PCDH15: variants seen among roughly 807,000 people sequenced by gnomAD.
PCDH15 encodes the protein protocadherin related 15.
PCDH15 carries 129 observed loss-of-function variants against 178.5 expected under a neutral mutation model. The ratio of observed to expected loss-of-function variants is 0.72; its 90% CI spans 0.63 to 0.84. PCDH15 has a LOEUF of 0.84. PCDH15 is among the 40% of genes least tolerant of loss of function. The pLI, the probability that PCDH15 is intolerant of heterozygous loss-of-function variation, is 0.00. For synonymous variants in PCDH15, 800 were observed against 732.0 expected (o/e 1.09, Z -1.50); for missense variants, 2,230 against 2,099.9 (o/e 1.06, Z -1.21).
At chr10:54,416,126 G>A (rs887273922) in intron 3 of PCDH15, among the ~76,000 whole-genome samples, 1 of 151,946 alleles carries the variant, frequency 6.6e-6, no homozygotes, top group Non-Finnish European at 1.5e-5. Flanking sequence ...ACCATGCCAA[G>A]CTAAATATAT....
chr10:55,404,128 C>A (rs1373881305), intron 2 of PCDH15, among the ~76,000 whole-genome samples: 3 of 151,914 alleles, frequency 2.0e-5, no homozygotes, highest in African/African-American at 7.3e-5. Context: ...TAAGAATACC[C>A]CCCACATTTT....
At chr10:55,024,268 T>C (rs1340152336) in intron 2 of PCDH15, among the ~76,000 whole-genome samples, 1 of 147,470 alleles carries the variant, frequency 6.8e-6, no homozygotes, top group Non-Finnish European at 1.5e-5. Context: ...CACACACTCA[T>C]AGATATAGGA....
chr10:53,943,987 T>C (rs1220837551), intron 23 of PCDH15, among the ~76,000 whole-genome samples: 1 of 152,134 alleles, frequency 6.6e-6, no homozygotes, highest in Non-Finnish European at 1.5e-5. Flanking sequence ...CATACTCTCT[T>C]TGGAGTCACA....
chr10:55,529,213 C>T (rs955088343), intron 2 of PCDH15, among the ~76,000 whole-genome samples: 1 of 151,944 alleles, frequency 6.6e-6, no homozygotes, highest in Non-Finnish European at 1.5e-5. Flanking sequence ...TTTTGCTATG[C>T]AGAAGCTCTT....
At chr10:54,602,960 ATGCTGGC>A (rs1481796611) in intron 2 of PCDH15, among the ~76,000 whole-genome samples, 27 of 151,942 alleles carry the variant, frequency 1.8e-4, no homozygotes, top group Non-Finnish European at 5.9e-5. Context: ...TATCAGGTCG[ATGCTGGC>A]TACATGAAAT....
At chr10:55,477,102 G>A (rs1357899835) in intron 2 of PCDH15, among the ~76,000 whole-genome samples, 1 of 151,774 alleles carries the variant, frequency 6.6e-6, no homozygotes, top group Non-Finnish European at 1.5e-5. Flanking sequence ...GTTGGAATAG[G>A]AAATCAGACT....
chr10:54,104,449 A>C (rs1937421616), intron 15 of PCDH15, among the ~76,000 whole-genome samples: 1 of 152,106 alleles, frequency 6.6e-6, no homozygotes. Flanking sequence ...ATTTTCCACA[A>C]TTTTAGCTCT....
intron 8 of PCDH15, among the ~76,000 whole-genome samples, chr10:54,238,216 T>C (rs1207744398): frequency 6.6e-6 from 1 of 152,166 alleles, no homozygotes; most frequent in Non-Finnish European, 1.5e-5. Context: ...TGTTCTCATA[T>C]TATTTCTTCT....
intron 5 of PCDH15, among the ~76,000 whole-genome samples, chr10:54,353,631 C>T (rs1273523669): frequency 1.3e-5 from 2 of 151,098 alleles, no homozygotes; most frequent in African/African-American, 4.9e-5. Flanking sequence ...TCCTATCTGG[C>T]TTCTTTTGCT....
At chr10:54,617,755 CAA>C (rs71010398) in intron 2 of PCDH15, among the ~76,000 whole-genome samples, 7 of 117,138 alleles carry the variant, frequency 6.0e-5, no homozygotes, top group Admixed American at 1.7e-4. Flanking sequence ...TCTAAAAATA[CAA>C]AAAAAAAAAA....
chr10:54,472,647 TA>T (rs1173141755), intron 3 of PCDH15, among the ~76,000 whole-genome samples: 1 of 152,018 alleles, frequency 6.6e-6, no homozygotes, highest in African/African-American at 2.4e-5. Flanking sequence ...CCAGAAAAAT[TA>T]AAATTAAAAT....
rs559086911 is a variant in PCDH15, at chr10:54,911,065, A to G, written c.-79-13565T>C. 3.5e-4 allele frequency among the ~76,000 whole-genome samples: 54 copies of G among 152,358 alleles called. 1 individual carries two copies. The highest frequency in any genetic ancestry group is 3.4e-3 in the Middle Eastern group (1 of 294). ...AATGAAAATAGTTTCATAATCTGGA[A>G]AGGATGAAGTGAAATATCCGCCCTA... is the stretch of plus-strand genomic sequence containing the variant. On this transcript the variant is annotated intron_variant, in intron 2 of 5. Transcript: ENST00000458638.
chr10:54,058,515 G>A (rs1283361823), intron 18 of PCDH15, among the ~76,000 whole-genome samples: 1 of 152,064 alleles, frequency 6.6e-6, no homozygotes, highest in Non-Finnish European at 1.5e-5. Flanking sequence ...CTGCCCTGAT[G>A]ATTCAGTCAC....
intron 3 of PCDH15, among the ~76,000 whole-genome samples, chr10:54,481,375 A>G (rs868228916): frequency 1.3e-4 from 20 of 151,908 alleles, no homozygotes; most frequent in Admixed American, 4.0e-4. Context: ...TGGGTTAACC[A>G]TATTTCTTAC....
intron 18 of PCDH15, among the ~76,000 whole-genome samples, chr10:54,026,079 T>A (rs964064594): frequency 6.6e-6 from 1 of 151,902 alleles, no homozygotes; most frequent in Non-Finnish European, 1.5e-5. Context: ...GGGATTTTTT[T>A]TTTTTTTTGA....
At chr10:55,275,699 GTC>G (rs1163505380) in intron 1 of PCDH15, among the ~76,000 whole-genome samples, 1 of 145,448 alleles carries the variant, frequency 6.9e-6, no homozygotes, top group African/African-American at 2.5e-5. Context: ...AGTAGGACTT[GTC>G]TCTCTTTTTT....
chr10:54,105,614 C>T (rs549540940), intron 15 of PCDH15, among the ~76,000 whole-genome samples: 1 of 152,006 alleles, frequency 6.6e-6, no homozygotes, highest in South Asian at 2.1e-4. Flanking sequence ...TGGTGCCCAC[C>T]CAGATTAAGG....
At chr10:55,565,667 C>A (rs1842287238) in intron 2 of PCDH15, among the ~76,000 whole-genome samples, 1 of 151,508 alleles carries the variant, frequency 6.6e-6, no homozygotes, top group Non-Finnish European at 1.5e-5. Context: ...ACTTTGCTAT[C>A]AATTCTACAG....
chr10:55,256,640 C>T (rs1395703062), intron 1 of PCDH15, among the ~76,000 whole-genome samples: 1 of 152,194 alleles, frequency 6.6e-6, no homozygotes, highest in East Asian at 1.9e-4. Context: ...GCACAGCAGT[C>T]TGAGATCAAA....
Sources: allele counts gnomAD v4.1 joint callset (sites outside exome capture counted in the v4.1 genomes callset), GRCh38; gene constraint gnomAD v4.1.1; transcripts MANE v1.5; gene names NCBI Gene and HGNC (gene_info 2026-07-23, HGNC 2026-07-21).